Variants in CPA6 observed in about 807,000 individuals in gnomAD.
CPA6 encodes carboxypeptidase A6.
CPA6 carries 58 observed loss-of-function variants against 63.3 expected under a neutral mutation model. The ratio of observed to expected loss-of-function variants is 0.92; its 90% CI spans 0.74 to 1.14. The LOEUF (loss-of-function observed/expected upper bound fraction) is 1.14, where lower values mean the gene tolerates loss of function less well. Among genes scored for constraint, CPA6 ranks in the 50% most tolerant of loss-of-function variants. The pLI is 0.00. For synonymous variants in CPA6, 185 were observed against 179.0 expected (o/e 1.03, Z -0.27); for missense variants, 565 against 526.6 (o/e 1.07, Z -0.71).
intron 8 of CPA6, among the ~76,000 whole-genome samples, chr8:67,461,140 T>C (rs1019730267): frequency 2.7e-5 from 4 of 145,816 alleles, no homozygotes; most frequent in South Asian, 4.5e-4. Flanking sequence ...AGGACAATAG[T>C]GGAGGGAAGG....
At chr8:67,587,104 C>T (rs1460774693) in intron 2 of CPA6, among the ~76,000 whole-genome samples, 1 of 152,206 alleles carries the variant, frequency 6.6e-6, no homozygotes, top group Non-Finnish European at 1.5e-5. Flanking sequence ...ATGTGAAGTC[C>T]TTGAAAGCCT....
chr8:67,698,101 G>C (rs771816883), intron 1 of CPA6, among the ~76,000 whole-genome samples: 2 of 152,146 alleles, frequency 1.3e-5, no homozygotes, highest in African/African-American at 4.8e-5. Context: ...CAAGGTTTGA[G>C]ATTAAACTCA....
chr8:67,692,096 G>T (rs1240417373), intron 1 of CPA6, among the ~76,000 whole-genome samples: 1 of 152,146 alleles, frequency 6.6e-6, no homozygotes, highest in South Asian at 2.1e-4. Context: ...CAGCACTTTG[G>T]GAGGCCGAGG....
chr8:67,471,985 C>T (rs1811069186), intron 8 of CPA6, among the ~76,000 whole-genome samples: 2 of 152,118 alleles, frequency 1.3e-5, no homozygotes. Context: ...CATGACTTCT[C>T]AAATGCAAAT....
At chr8:67,480,655 TA>T (rs1811338777) in intron 8 of CPA6, among the ~76,000 whole-genome samples, 1 of 54,820 alleles carries the variant, frequency 1.8e-5, no homozygotes, top group Admixed American at 1.5e-4. Context: ...ATTATGGGAA[TA>T]AATGTTTTCA....
chr8:67,450,111 TG>T (rs910525369), intron 8 of CPA6, among the ~76,000 whole-genome samples: 174 of 150,076 alleles, frequency 1.2e-3, no homozygotes, highest in African/African-American at 4.3e-3. Context: ...CCACCGCGCC[TG>T]GCCACCCAAG....
chr8:67,700,851 A>G (rs1461905100), intron 1 of CPA6, among the ~76,000 whole-genome samples: 2 of 152,178 alleles, frequency 1.3e-5, no homozygotes, highest in African/African-American at 4.8e-5. Flanking sequence ...GCTAGCATTC[A>G]AACATAAAAT....
At chr8:67,591,438 T>A (rs1237232107) in intron 2 of CPA6, among the ~76,000 whole-genome samples, 2 of 152,238 alleles carry the variant, frequency 1.3e-5, no homozygotes, top group Non-Finnish European at 2.9e-5. Flanking sequence ...CATTGGTAGC[T>A]TGATGGGGAG....
intron 2 of CPA6, among the ~76,000 whole-genome samples, chr8:67,542,508 C>T (rs1230970461): frequency 3.9e-5 from 6 of 152,096 alleles, no homozygotes; most frequent in East Asian, 1.9e-4. Context: ...CCTAATTTGT[C>T]GTGAGTCAAA....
At chr8:67,713,099 G>GTATATATATATATATATA (rs67842734) in intron 1 of CPA6, among the ~76,000 whole-genome samples, 4 of 55,028 alleles carry the variant, frequency 7.3e-5, no homozygotes, top group Non-Finnish European at 1.3e-4. Context: ...GTGTGTGTGT[G>GTATATATATATATATATA]TATATATATA....
At chr8:67,448,656 G>GAAAAAAAAAAAAAAAAAAAAAA (rs1810485855) in intron 8 of CPA6, among the ~76,000 whole-genome samples, 3 of 68,784 alleles carry the variant, frequency 4.4e-5, no homozygotes, top group African/African-American at 1.8e-4. Context: ...AAAAAAAAAG[G>GAAAAAAAAAAAAAAAAAAAAAA]AAAGAACGAA....
At chr8:67,632,937 A>C (rs1251456111) in intron 1 of CPA6, among the ~76,000 whole-genome samples, 1 of 152,234 alleles carries the variant, frequency 6.6e-6, no homozygotes, top group Non-Finnish European at 1.5e-5. Flanking sequence ...CCTATTAAGC[A>C]TATTGATTAT....
At chr8:67,624,618 T>G (rs1488144660) in intron 1 of CPA6, among the ~76,000 whole-genome samples, 1 of 152,224 alleles carries the variant, frequency 6.6e-6, no homozygotes, top group Non-Finnish European at 1.5e-5. Flanking sequence ...TCATTCTTTT[T>G]TTAAACATAA....
chr8:67,468,557 G>C (rs1810981813), intron 8 of CPA6, among the ~76,000 whole-genome samples: 1 of 147,354 alleles, frequency 6.8e-6, no homozygotes, highest in African/African-American at 2.6e-5. Context: ...TTGCACCTGG[G>C]CGACAAGAGC....
chr8:67,507,035 C>T lies in CPA6; in HGVS notation c.535-147G>A, dbSNP rs145943286. The T allele has an allele frequency of 8.6e-4, 477 of 553,046 alleles. 7 individuals are homozygous for T. In the East Asian group the frequency reaches 0.011, roughly 13 times the overall value. The allele number at this position is 553,046 out of a possible 1,614,324, so 34.3% of individuals were successfully genotyped here. ...GGACAAAGGGAGTTCCTATCTATCTCGAAAGTCCAGGCTTCTTTATGCAGA... is the reference window on the plus strand; with the variant it reads ...GGACAAAGGGAGTTCCTATCTATCTTGAAAGTCCAGGCTTCTTTATGCAGA... On this transcript the variant is annotated intron_variant, in intron 5 of 10. Coordinates refer to ENST00000297770, the MANE Select transcript of CPA6 (RefSeq NM_020361.5).
intron 8 of CPA6, among the ~76,000 whole-genome samples, chr8:67,435,264 T>A (rs1043506998): frequency 1.3e-5 from 2 of 152,136 alleles, no homozygotes; most frequent in Non-Finnish European, 2.9e-5. Context: ...GGCCTGTCCC[T>A]GCGGGGAAAT....
chr8:67,562,978 T>A (rs1813250343), intron 2 of CPA6, among the ~76,000 whole-genome samples: 1 of 152,210 alleles, frequency 6.6e-6, no homozygotes, highest in South Asian at 2.1e-4. Context: ...TTTCTCTGTA[T>A]ACGTTTTGTC....
intron 1 of CPA6, among the ~76,000 whole-genome samples, chr8:67,740,701 CG>C (rs1449863290): frequency 1.3e-5 from 2 of 152,084 alleles, no homozygotes; most frequent in Admixed American, 6.5e-5. Flanking sequence ...TCCTGAGTAG[CG>C]GGGACTACAG....
intron 2 of CPA6, among the ~76,000 whole-genome samples, chr8:67,587,545 T>C (rs190444841): frequency 8.9e-4 from 135 of 152,304 alleles, no homozygotes; most frequent in African/African-American, 3.0e-3. Flanking sequence ...CCTTGAAATG[T>C]ACTTTCTCAG....
Sources: gnomAD v4.1 joint callset for allele counts (sites outside exome capture counted in the v4.1 genomes callset) on GRCh38, gnomAD v4.1.1 for gene constraint, MANE v1.5 for transcripts, NCBI Gene and HGNC (gene_info 2026-07-23, HGNC 2026-07-21) for gene names.